Variants in FHOD3 observed in about 807,000 individuals in gnomAD.
FHOD3 encodes FH1/FH2 domain-containing protein 3.
A neutral mutation model predicts 173.0 loss-of-function variants in FHOD3; 90 were observed. The ratio of observed to expected loss-of-function variants is 0.52; its 90% CI spans 0.44 to 0.62. The LOEUF is 0.62. FHOD3 is among the 20% of genes least tolerant of loss of function. The pLI is 0.00. For missense variants in FHOD3, 1,945 were observed against 2,034.7 expected (o/e 0.96, Z 0.85); for synonymous variants, 828 against 823.0 (o/e 1.01, Z -0.10).
At chr18:36,764,566 T>G (rs1279961803) in intron 27 of FHOD3, among the ~76,000 whole-genome samples, 1 of 152,066 alleles carries the variant, frequency 6.6e-6, no homozygotes, top group Non-Finnish European at 1.5e-5. Flanking sequence ...TGAAGCCTTC[T>G]TAGGGGGTGG....
At position 36,372,711 on chromosome 18, in the gene FHOD3, A is replaced by T; in HGVS notation, c.304A>T (p.Thr102Ser). The T allele has an allele frequency of 6.2e-7, 1 of 1,613,996 alleles. No homozygotes were observed. Among genetic ancestry groups the T allele is most frequent in the African/African-American group, 1.3e-5 (1 of 75,032 alleles). ...CAAGAAGCACAGCATCATCCTAAGG[A>T]CGCAGCTGTCTGTGAGGGTCCATGC... Reference protein sequence around the residue: ...RGKKHSIILRTQLSVRVHACI... With the variant: ...RGKKHSIILRSQLSVRVHACI... Residue 102 changes from threonine to serine, a missense_variant, in exon 3 of 29, where the codon ACG becomes TCG. This residue lies in a region of FHOD3 where 245 missense variants were observed against 267.7 expected (regional missense o/e 0.92). Coordinates refer to ENST00000590592, the MANE Select transcript of FHOD3 (RefSeq NM_001281740.3).
intron 3 of FHOD3, among the ~76,000 whole-genome samples, chr18:36,474,126 T>G (rs746273569): frequency 6.6e-6 from 1 of 152,160 alleles, no homozygotes; most frequent in Admixed American, 6.5e-5. Context: ...CTACTACTTA[T>G]GCATCATAGA....
intron 20 of FHOD3, among the ~76,000 whole-genome samples, chr18:36,734,215 G>A (rs906797742): frequency 2.6e-5 from 4 of 152,158 alleles, no homozygotes; most frequent in Admixed American, 1.3e-4. Context: ...TAGTCACAAC[G>A]ACACAGAGTT....
chr18:36,551,378 T>C (rs1171100664), intron 5 of FHOD3, among the ~76,000 whole-genome samples: 1 of 152,166 alleles, frequency 6.6e-6, no homozygotes, highest in Non-Finnish European at 1.5e-5. Flanking sequence ...GCTGGTCTTA[T>C]TGGATGAGTT....
At chr18:36,749,570 A>G (rs972858293) in intron 24 of FHOD3, among the ~76,000 whole-genome samples, 2 of 152,108 alleles carry the variant, frequency 1.3e-5, no homozygotes, top group South Asian at 2.1e-4. Context: ...TTTTTATCCA[A>G]TCTGTTATTG....
chr18:36,606,345 A>G (rs1458931441), intron 8 of FHOD3, among the ~76,000 whole-genome samples: 9 of 152,194 alleles, frequency 5.9e-5, no homozygotes, highest in South Asian at 2.1e-4. Flanking sequence ...CATGCCATCC[A>G]TGGTAGAGGG....
intron 18 of FHOD3, 60 bp downstream of exon 18, chr18:36,709,451 G>T: frequency 6.5e-7 from 1 of 1,537,824 alleles, no homozygotes. Context: ...TGCAGGGGCT[G>T]GTTCTCTAAG....
At chr18:36,774,629 T>G (rs1391364118) in intron 28 of FHOD3, among the ~76,000 whole-genome samples, 1 of 152,192 alleles carries the variant, frequency 6.6e-6, no homozygotes, top group Non-Finnish European at 1.5e-5. Context: ...CTGCTTTTTG[T>G]TGTTGTTCTG....
chr18:36,673,926 A>G (rs1047963800), intron 14 of FHOD3, among the ~76,000 whole-genome samples: 3 of 152,128 alleles, frequency 2.0e-5, no homozygotes, highest in African/African-American at 7.2e-5. Context: ...TCTGAAACAA[A>G]TTCTTTTATT....
intron 3 of FHOD3, among the ~76,000 whole-genome samples, chr18:36,470,401 G>A (rs369860959): frequency 4.6e-5 from 7 of 152,328 alleles, no homozygotes; most frequent in Middle Eastern, 3.4e-3. Context: ...TACCGTTCAC[G>A]TCTATGACGG....
chr18:36,543,962 T>C (rs927292261), intron 5 of FHOD3, among the ~76,000 whole-genome samples: 2 of 152,238 alleles, frequency 1.3e-5, no homozygotes, highest in African/African-American at 4.8e-5. Flanking sequence ...GGGCAGACAG[T>C]AGAGATTGAA....
chr18:36,736,341 T>C (rs2041629843), intron 20 of FHOD3, among the ~76,000 whole-genome samples: 1 of 152,234 alleles, frequency 6.6e-6, no homozygotes, highest in East Asian at 1.9e-4. Flanking sequence ...TGTGAGGTGG[T>C]TGCTCTCCAC....
chr18:36,717,302 C>A (rs2040512251), intron 18 of FHOD3, among the ~76,000 whole-genome samples: 1 of 152,112 alleles, frequency 6.6e-6, no homozygotes, highest in Non-Finnish European at 1.5e-5. Flanking sequence ...CAGCATTCAG[C>A]CCCCTGGAGA....
chr18:36,671,695 G>GT (rs1214921942), intron 14 of FHOD3, among the ~76,000 whole-genome samples: 3 of 152,198 alleles, frequency 2.0e-5, no homozygotes, highest in Non-Finnish European at 4.4e-5. Context: ...GCTACAACAT[G>GT]TGTTTTTGTG....
chr18:36,353,269 C>T (rs1404569851), intron 1 of FHOD3, among the ~76,000 whole-genome samples: 1 of 152,148 alleles, frequency 6.6e-6, no homozygotes, highest in Non-Finnish European at 1.5e-5. Context: ...ATAGGATTAA[C>T]CCCTTCAAAT....
At chr18:36,473,075 A>C (rs2053372692) in intron 3 of FHOD3, among the ~76,000 whole-genome samples, 1 of 152,210 alleles carries the variant, frequency 6.6e-6, no homozygotes, top group African/African-American at 2.4e-5. Flanking sequence ...GAGATGTTTT[A>C]ATCTTGGCTA....
rs916692664 is a variant in FHOD3, at chr18:36,644,280, C to T, written c.1197-5036C>T. On this transcript the variant is annotated intron_variant, in intron 10 of 28. Coordinates refer to ENST00000590592, the MANE Select transcript of FHOD3 (RefSeq NM_001281740.3). ...GCACAATATAAACACAATTAAGTTACGCTTTATAAGAAAATCTAGTTTGAG... is the reference window on the plus strand; with the variant it reads ...GCACAATATAAACACAATTAAGTTATGCTTTATAAGAAAATCTAGTTTGAG... Among the ~76,000 whole-genome samples the T allele has an allele frequency of 2.6e-5, 4 of 152,148 alleles. No homozygotes were observed. The South Asian group carries it at 8.3e-4, about 31-fold the overall frequency.
chr18:36,548,492 C>T (rs576126365), intron 5 of FHOD3, among the ~76,000 whole-genome samples: 6 of 152,286 alleles, frequency 3.9e-5, no homozygotes, highest in South Asian at 2.1e-4. Flanking sequence ...TTTGGACATA[C>T]GTGTACACAG....
chr18:36,596,825 C>T (rs776700832), intron 7 of FHOD3, among the ~76,000 whole-genome samples: 2 of 152,114 alleles, frequency 1.3e-5, no homozygotes, highest in Non-Finnish European at 2.9e-5. Flanking sequence ...GGTAGAAAGA[C>T]CCTTATGGCC....
Sources: allele counts gnomAD v4.1 joint callset (sites outside exome capture counted in the v4.1 genomes callset), GRCh38; gene constraint gnomAD v4.1.1; regional missense constraint gnomAD v4.1.1; transcripts MANE v1.5; gene names NCBI Gene and HGNC (gene_info 2026-07-23, HGNC 2026-07-21).